MAP3K19: variants seen among roughly 807,000 people sequenced by gnomAD.
MAP3K19 encodes the protein SPS1/STE20-related protein kinase YSK4.
MAP3K19 carries 91 observed loss-of-function variants against 114.4 expected under a neutral mutation model. The ratio of observed to expected loss-of-function variants is 0.80; its 90% CI spans 0.67 to 0.95. MAP3K19 has a LOEUF of 0.95. MAP3K19 is among the 40% of genes least tolerant of loss of function. The pLI is 0.00. For synonymous variants in MAP3K19, 518 were observed against 530.5 expected, an observed-to-expected ratio of 0.98 and a Z score of 0.32; for missense variants, 1,471 against 1,573.2, an observed-to-expected ratio of 0.94 and a Z score of 1.10.
Position 134,986,484 on chromosome 2 carries a change from C to T in MAP3K19, c.2388G>A (p.Met796Ile). Reference protein sequence around the residue: ...MNLAQTPEQSMKQNEFPPVSD... With the variant: ...MNLAQTPEQSIKQNEFPPVSD... Reference sequence around the variant, plus strand: ...AGACAGGAGGGAATTCATTCTGTTTCATGGACTGCTCAGGTGTCTGAGCCA... The same window carrying T: ...AGACAGGAGGGAATTCATTCTGTTTTATGGACTGCTCAGGTGTCTGAGCCA... Residue 796 changes from methionine to isoleucine, a missense_variant, in exon 10 of 13, where the codon ATG becomes ATA. Physicochemically the swap from Met to Ile is conservative, Grantham distance 10. Transcript: ENST00000392915. 1 of 1,614,158 alleles carries T rather than the reference C, an allele frequency of 6.2e-7. No individual in the cohort carries two copies. Among genetic ancestry groups the T allele is most frequent in the Non-Finnish European group, 8.5e-7 (1 of 1,180,018 alleles).
Position 134,987,897 on chromosome 2 carries a change from T to C in MAP3K19, c.975A>G (p.Glu325=), listed in dbSNP as rs1024213808. 6.2e-7 allele frequency: 1 copy of C among 1,614,080 alleles called. No individual in the cohort carries two copies. The highest frequency in any genetic ancestry group is 8.5e-7 in the Non-Finnish European group (1 of 1,180,032). ...CAAAAGACACCAAAGACTGCCCTTT[T>C]TCAAAGTGAGTGATTTCAATTTTGT... ...ECNKIEITHF[E]KGQSLVSFEN... The change falls in exon 10 of 13, where the codon GAA becomes GAG. Residue 325 remains glutamate, a synonymous_variant. Transcript: ENST00000392915.
intron 12 of MAP3K19, among the ~76,000 whole-genome samples, chr2:134,978,630 G>A (rs1304801252): frequency 1.3e-5 from 2 of 152,078 alleles, no homozygotes; most frequent in African/African-American, 2.4e-5. Flanking sequence ...TCTCACAACT[G>A]TGATTTCTCC....
intron 9 of MAP3K19, 199 bp downstream of exon 9, chr2:134,991,338 A>AAAACAAAACC: frequency 1.7e-6 from 1 of 575,744 alleles, no homozygotes; most frequent in East Asian, 2.9e-5. Flanking sequence ...AAAACAAAAC[A>AAAACAAAACC]ACCGGTAGGC....
At chr2:134,980,598 A>T in intron 12 of MAP3K19, 2 of 530,352 alleles carry the variant, frequency 3.8e-6, no homozygotes, top group South Asian at 5.1e-5. Flanking sequence ...AAGACATTTA[A>T]TTGAGGCACT....
At chr2:135,046,696 T>G (rs1198778932) in intron 1 of MAP3K19, among the ~76,000 whole-genome samples, 6 of 152,262 alleles carry the variant, frequency 3.9e-5, no homozygotes, top group Admixed American at 3.9e-4. Flanking sequence ...ATGGTTTATC[T>G]ATTTGTAAAA....
chr2:135,044,467 G>A (rs1253731428), intron 1 of MAP3K19, among the ~76,000 whole-genome samples: 2 of 152,162 alleles, frequency 1.3e-5, no homozygotes, highest in African/African-American at 4.8e-5. Context: ...GTGCATGCCT[G>A]TAATACAAGC....
In MAP3K19 at chr2:134,991,529, A is replaced by G. The variant is rs775447489; in HGVS notation, c.618+8T>C. ...TTCTCAAGTCAAAAATGCTAGCACT[A>G]ATCTTACCTTGATGCTTCGGCCACT... On this transcript the variant is annotated splice_region_variant and intron_variant, in intron 9 of 12. Transcript: ENST00000392915. 4.3e-6 allele frequency: 7 copies of G among 1,612,582 alleles called. No homozygotes were observed. In the South Asian group the frequency reaches 4.4e-5, roughly 10 times the overall value.
rs1017254878 is a variant in MAP3K19, at chr2:135,018,082, G to A, written c.138+3633C>T. On this transcript the variant is annotated intron_variant, in intron 5 of 12. Coordinates refer to ENST00000392915, the MANE Select transcript of MAP3K19 (RefSeq NM_025052.5). ...CGAGGCAGGCAGATCACCTCAGGTC[G>A]AGAGTTCAAGACCAGCCTGACCAAC... 5.9e-4 allele frequency among the ~76,000 whole-genome samples: 90 copies of A among 151,912 alleles called. 2 individuals are homozygous for A. Among genetic ancestry groups the A allele is most frequent in the Admixed American group, 5.6e-3 (85 of 15,256 alleles).
intron 3 of MAP3K19, among the ~76,000 whole-genome samples, chr2:135,027,579 A>G (rs11890844): frequency 0.27 from 40,344 of 152,066 alleles, 7,224 homozygotes; most frequent in African/African-American, 0.49. Context: ...ACAGGTTTGT[A>G]CACTGTTAAC....
intron 8 of MAP3K19, among the ~76,000 whole-genome samples, chr2:134,998,046 T>C (rs1530558): frequency 0.22 from 34,168 of 151,978 alleles, 4,183 homozygotes; most frequent in Middle Eastern, 0.5. Context: ...GGTAAACAAG[T>C]AGCAAAGACA....
intron 3 of MAP3K19, among the ~76,000 whole-genome samples, chr2:135,025,394 T>C (rs1688220244): frequency 7.1e-6 from 1 of 140,350 alleles, no homozygotes; most frequent in Admixed American, 7.1e-5. Flanking sequence ...TTTTTTTTTT[T>C]TTTTTTTTTG....
Position 134,986,726 on chromosome 2 carries a change from G to C in MAP3K19, c.2146C>G (p.Leu716Val). ...TTCATATGTGTTTTTTTCTGAGAAA[G>C]TCTTGTTCTGATATTGCTCTTCCTC... ...SERKSNIRTR[L>V]SQKKTHMKCP... Residue 716 changes from leucine to valine, a missense_variant, in exon 10 of 13, where the codon CTT (leucine) becomes GTT (valine). By Grantham distance (32) the Leu-to-Val change is conservative. Coordinates refer to ENST00000392915, the MANE Select transcript of MAP3K19 (RefSeq NM_025052.5). 1.2e-6 allele frequency: 2 copies of C among 1,614,114 alleles called. No homozygotes were observed. The highest frequency in any genetic ancestry group is 1.7e-6 in the Non-Finnish European group (2 of 1,179,986).
At position 134,999,059 on chromosome 2, in the gene MAP3K19, C is replaced by T; in HGVS notation, c.315-62G>A. On this transcript the variant is annotated intron_variant, in intron 7 of 12. Coordinates refer to ENST00000392915, the MANE Select transcript of MAP3K19 (RefSeq NM_025052.5). This position sits in a 1 kb window ranked among gnomAD's most constrained non-coding sequence, Gnocchi z 4.1. ...TTGCCACATCTTCTGGATCTCCAGT[C>T]CTCAGTTCAGCCTGACATCACTAGA... is the stretch of plus-strand genomic sequence containing the variant. The T allele has an allele frequency of 1.3e-6, 2 of 1,549,310 alleles. No homozygotes were observed. The highest frequency in any genetic ancestry group is 1.2e-5 in the South Asian group (1 of 81,868).
chr2:135,041,324 C>T (rs1355392800), intron 1 of MAP3K19, among the ~76,000 whole-genome samples: 1 of 151,682 alleles, frequency 6.6e-6, no homozygotes, highest in African/African-American at 2.4e-5. Context: ...GAACTACCCT[C>T]TCCTGCATGG....
At position 134,987,199 on chromosome 2, in the gene MAP3K19, C is replaced by T. The variant is rs758715805; in HGVS notation, c.1673G>A (p.Gly558Asp). The change falls in exon 10 of 13, where the codon GGT (glycine) becomes GAT (aspartate). Residue 558 changes from glycine (G) to aspartate (D), a missense_variant. Transcript: ENST00000392915. ...TPQNFVISTEGPIKPTMHKTS... is the reference protein window; with the variant it reads ...TPQNFVISTEDPIKPTMHKTS... ...TTTATGCATGGTAGGCTTAATGGGACCTTCAGTAGAAATCACAAAATTCTG... is the reference window on the plus strand; with the variant it reads ...TTTATGCATGGTAGGCTTAATGGGATCTTCAGTAGAAATCACAAAATTCTG... The T allele has an allele frequency of 1.9e-6, 3 of 1,614,062 alleles. No homozygotes were observed. The highest frequency in any genetic ancestry group is 1.1e-5 in the South Asian group (1 of 91,080).
intron 3 of MAP3K19, 23 bp from the exon 4 acceptor site, chr2:135,024,764 T>A: frequency 1.2e-6 from 1 of 840,534 alleles, no homozygotes; most frequent in Non-Finnish European, 1.9e-6. Context: ...GAATCAACAT[T>A]AAAGTTTATT....
intron 5 of MAP3K19, among the ~76,000 whole-genome samples, chr2:135,013,541 G>A (rs1179015387): frequency 1.3e-5 from 2 of 152,162 alleles, no homozygotes; most frequent in Non-Finnish European, 2.9e-5. Context: ...ATCATACAGA[G>A]TAGTTTCAGT....
intron 6 of MAP3K19, among the ~76,000 whole-genome samples, chr2:135,004,494 G>C (rs913787433): frequency 6.6e-6 from 1 of 152,212 alleles, no homozygotes; most frequent in Non-Finnish European, 1.5e-5. Flanking sequence ...CCTTCTGAGA[G>C]GTGCGAAGGG....
At chr2:135,008,874 G>T (rs901587325) in intron 5 of MAP3K19, among the ~76,000 whole-genome samples, 5 of 152,040 alleles carry the variant, frequency 3.3e-5, no homozygotes, top group African/African-American at 1.2e-4. Flanking sequence ...GAACTCCTGG[G>T]CTCAGGTGAT....
Sources: gnomAD v4.1 joint callset for allele counts (sites outside exome capture counted in the v4.1 genomes callset) on GRCh38, gnomAD v4.1.1 for gene constraint, Gnocchi (gnomAD v3.1) non-coding constraint, MANE v1.5 for transcripts, NCBI Gene and HGNC (gene_info 2026-07-23, HGNC 2026-07-21) for gene names.